The following PALMD variants were observed in gnomAD, a reference collection of about 807,000 sequenced individuals.
PALMD encodes palmdelphin.
In PALMD, 42 loss-of-function variants were observed where a neutral mutation model predicts 56.2. That is an observed-to-expected ratio of 0.75 (90% CI 0.58 to 0.97). The LOEUF (loss-of-function observed/expected upper bound fraction) is 0.97. PALMD is among the 50% of genes least tolerant of loss of function. The pLI, the probability that PALMD is intolerant of heterozygous loss-of-function variation, is 0.00. For synonymous variants in PALMD, 242 were observed against 222.9 expected (o/e 1.09, Z -0.76); for missense variants, 660 against 643.8 (o/e 1.03, Z -0.27).
chr1:99,657,981 C>T (rs1314873066), intron 1 of PALMD, among the ~76,000 whole-genome samples: 2 of 152,154 alleles, frequency 1.3e-5, no homozygotes, highest in Non-Finnish European at 2.9e-5. Context: ...AATGCCTTAG[C>T]GATAACATGT....
At chr1:99,663,837 T>A (rs889768708) in intron 2 of PALMD, among the ~76,000 whole-genome samples, 2 of 152,186 alleles carry the variant, frequency 1.3e-5, no homozygotes, top group Non-Finnish European at 2.9e-5. Context: ...ATTTCTGAAG[T>A]AGCACCTCAT....
Position 99,689,464 on chromosome 1 carries a change from T to C in PALMD, c.1204T>C (p.Ser402Pro). ...EEDVRYNIVHSLPPDINDTEP... is the reference protein window; with the variant it reads ...EEDVRYNIVHPLPPDINDTEP... ...AGATGTCAGATATAATATCGTTCAT[T>C]CCCTGCCTCCAGACATAAATGATAC... Residue 402 changes from serine (S) to proline (P), a missense_variant, in exon 7 of 8, where the codon TCC (serine) becomes CCC (proline). By Grantham distance (74) the Ser-to-Pro change is moderately conservative (BLOSUM62 -1). Coordinates refer to ENST00000263174, the MANE Select transcript of PALMD (RefSeq NM_017734.5). 1 of 1,613,742 alleles carries C rather than the reference T, an allele frequency of 6.2e-7. No homozygotes were observed. Among genetic ancestry groups the C allele is most frequent in the East Asian group, 2.2e-5 (1 of 44,854 alleles).
intron 1 of PALMD, among the ~76,000 whole-genome samples, chr1:99,655,874 G>A (rs1236563175): frequency 2.6e-5 from 4 of 151,890 alleles, no homozygotes; most frequent in Non-Finnish European, 5.9e-5. Flanking sequence ...TTGATATTAC[G>A]CTATGTATCT....
chr1:99,674,523 T>C (rs553133774), intron 3 of PALMD, among the ~76,000 whole-genome samples: 1 of 152,192 alleles, frequency 6.6e-6, no homozygotes, highest in African/African-American at 2.4e-5. Context: ...TGCTTATTCT[T>C]GATTCATTCC....
chr1:99,662,536 G>A, intron 2 of PALMD, 137 bp downstream of exon 2: 1 of 646,830 alleles, frequency 1.5e-6, no homozygotes, highest in African/African-American at 1.9e-5. Context: ...TAACCATAGG[G>A]GAGGCCAACA....
intron 2 of PALMD, 35 bp downstream of exon 2, chr1:99,662,434 T>C (rs774638037): frequency 8.3e-7 from 1 of 1,211,784 alleles, no homozygotes; most frequent in South Asian, 1.3e-5. Context: ...TCAATGATTT[T>C]GTATTCAAAA....
intron 1 of PALMD, among the ~76,000 whole-genome samples, chr1:99,646,762 G>A (rs1652453133): frequency 6.6e-6 from 1 of 152,102 alleles, no homozygotes; most frequent in African/African-American, 2.4e-5. Context: ...CAAAAAGTTA[G>A]AATTTTTTTT....
chr1:99,647,060 TC>T (rs1652458281), intron 1 of PALMD, among the ~76,000 whole-genome samples: 1 of 152,144 alleles, frequency 6.6e-6, no homozygotes, highest in Admixed American at 6.5e-5. Context: ...TTATGTTTGT[TC>T]CGGGAAAAAG....
At chr1:99,665,643 A>G (rs533581092) in intron 2 of PALMD, among the ~76,000 whole-genome samples, 1 of 152,042 alleles carries the variant, frequency 6.6e-6, no homozygotes, top group Non-Finnish European at 1.5e-5. Flanking sequence ...TCATAAGACC[A>G]CCCCATCTGA....
chr1:99,658,961 AAT>A (rs902449353), intron 1 of PALMD, among the ~76,000 whole-genome samples: 3 of 151,782 alleles, frequency 2.0e-5, no homozygotes, highest in African/African-American at 7.3e-5. Context: ...AAAAAAAAAG[AAT>A]GTAAACTCAC....
chr1:99,658,937 C>T (rs192908167), intron 1 of PALMD, among the ~76,000 whole-genome samples: 45 of 150,354 alleles, frequency 3.0e-4, no homozygotes, highest in African/African-American at 6.4e-4. Context: ...CAGAGTGAGA[C>T]GCTGTCTCAA....
intron 7 of PALMD, among the ~76,000 whole-genome samples, chr1:99,691,580 C>T (rs1318067338): frequency 6.6e-6 from 1 of 152,132 alleles, no homozygotes; most frequent in Admixed American, 6.5e-5. Context: ...GACTACAGAG[C>T]TGATGTGTAT....
At chr1:99,675,489 C>G (rs1653178833) in intron 3 of PALMD, among the ~76,000 whole-genome samples, 1 of 152,150 alleles carries the variant, frequency 6.6e-6, no homozygotes, top group South Asian at 2.1e-4. Flanking sequence ...ACTTGGGAAA[C>G]TCATGACAGC....
At chr1:99,657,720 G>A (rs879758263) in intron 1 of PALMD, among the ~76,000 whole-genome samples, 2 of 152,034 alleles carry the variant, frequency 1.3e-5, no homozygotes, top group Non-Finnish European at 2.9e-5. Context: ...TCCTCACCTG[G>A]TTGTTCTTAA....
chr1:99,680,914 C>T (rs1476923077), intron 3 of PALMD, among the ~76,000 whole-genome samples: 1 of 151,804 alleles, frequency 6.6e-6, no homozygotes, highest in African/African-American at 2.4e-5. Context: ...TATGTGCTGT[C>T]CTTTTTTCCA....
intron 2 of PALMD, among the ~76,000 whole-genome samples, chr1:99,662,976 T>A (rs1265730683): frequency 1.3e-5 from 2 of 152,200 alleles, no homozygotes; most frequent in East Asian, 1.9e-4. Context: ...CATTTTGTAA[T>A]TAAAGCACAT....
At chr1:99,670,302 A>G (rs1025802485) in intron 3 of PALMD, among the ~76,000 whole-genome samples, 4 of 152,194 alleles carry the variant, frequency 2.6e-5, no homozygotes, top group African/African-American at 9.6e-5. Flanking sequence ...GTCCTTAAAT[A>G]TAAGTAATAA....
At chr1:99,656,050 G>A (rs1013704562) in intron 1 of PALMD, among the ~76,000 whole-genome samples, 1 of 152,050 alleles carries the variant, frequency 6.6e-6, no homozygotes, top group African/African-American at 2.4e-5. Context: ...CTATTACAAG[G>A]TGTCACCATC....
intron 7 of PALMD, among the ~76,000 whole-genome samples, chr1:99,691,909 G>T (rs1291015479): frequency 6.6e-6 from 1 of 152,108 alleles, no homozygotes; most frequent in Non-Finnish European, 1.5e-5. Context: ...TTTTAATTTG[G>T]AAAACAGCGT....
Sources: gnomAD v4.1 joint callset for allele counts (sites outside exome capture counted in the v4.1 genomes callset) on GRCh38, gnomAD v4.1.1 for gene constraint, MANE v1.5 for transcripts, NCBI Gene and HGNC (gene_info 2026-07-23, HGNC 2026-07-21) for gene names.